RNASEH2B: variants seen among roughly 807,000 people sequenced by gnomAD.
RNASEH2B encodes Aicardi-Goutieres syndrome 2 protein.
Under a neutral mutation model 45.0 loss-of-function variants are expected in RNASEH2B, and 36 were observed. That is an observed-to-expected ratio of 0.80 (90% CI 0.61 to 1.06). The LOEUF (loss-of-function observed/expected upper bound fraction) is 1.06. Ranked by LOEUF, RNASEH2B falls within the 50% of genes least tolerant of loss-of-function variation. RNASEH2B has a pLI of 0.00. For missense variants in RNASEH2B, 361 were observed against 360.3 expected, an observed-to-expected ratio of 1.00 and a Z score of -0.02; for synonymous variants, 119 against 125.7, an observed-to-expected ratio of 0.95 and a Z score of 0.35.
intron 10 of RNASEH2B, chr13:50,956,031 C>T (rs1351373252): frequency 1.3e-5 from 3 of 238,896 alleles, no homozygotes; most frequent in South Asian, 1.2e-4. Context: ...CTGACAATTG[C>T]GGCCTGTGTC....
At chr13:50,969,897 C>T (rs749457177) in intron 9 of RNASEH2B, 7 of 1,548,406 alleles carry the variant, frequency 4.5e-6, no homozygotes, top group Non-Finnish European at 6.1e-6. Context: ...TTTCTCCTCA[C>T]CAGGACACAC....
chr13:50,942,647 A>G (rs1309413553), intron 5 of RNASEH2B: 1 of 152,314 alleles, frequency 6.6e-6, no homozygotes, highest in Non-Finnish European at 1.5e-5. Flanking sequence ...AACACAAAAT[A>G]TCTGAGACAG....
intron 6 of RNASEH2B, 68 bp from the exon 7 acceptor site, chr13:50,945,359 T>G (rs1166283579): frequency 1.9e-6 from 2 of 1,077,238 alleles, no homozygotes; most frequent in African/African-American, 3.1e-5. Context: ...GAAGGCCACC[T>G]ATGAATTCAT....
chr13:50,964,328 A>G (rs1003933859), intron 9 of RNASEH2B, among the ~76,000 whole-genome samples: 2 of 152,158 alleles, frequency 1.3e-5, no homozygotes, highest in Non-Finnish European at 2.9e-5. Context: ...TTAATATCCT[A>G]TTTCTTTTAC....
chr13:50,930,210 A>G (rs1951659161), intron 3 of RNASEH2B: 1 of 235,228 alleles, frequency 4.3e-6, no homozygotes, highest in African/African-American at 2.3e-5. Context: ...CCCACAGACC[A>G]CGGAAGGGAC....
chr13:50,910,540 C>G (rs1390920581), intron 1 of RNASEH2B: 1 of 170,732 alleles, frequency 5.9e-6, no homozygotes, highest in Non-Finnish European at 1.2e-5. Flanking sequence ...ATCCAGTAGG[C>G]TCGAAGTGGC....
chr13:50,943,449 A>C (rs989812532), intron 6 of RNASEH2B, 55 bp downstream of exon 6: 3 of 1,270,628 alleles, frequency 2.4e-6, no homozygotes, highest in Middle Eastern at 1.9e-4. Context: ...TTCTCTAAGA[A>C]ATTTTCAGAG....
At chr13:50,953,642 C>G in intron 9 of RNASEH2B, 1 of 508,978 alleles carries the variant, frequency 2.0e-6, no homozygotes, top group East Asian at 3.4e-5. Context: ...CCTGTGTTTG[C>G]TGGACCAGCT....
chr13:50,940,478 T>G (rs917938146), intron 5 of RNASEH2B, among the ~76,000 whole-genome samples: 1 of 152,266 alleles, frequency 6.6e-6, no homozygotes, highest in Admixed American at 6.5e-5. Flanking sequence ...ACACAGTATT[T>G]ATTTTTACTT....
intron 5 of RNASEH2B, chr13:50,941,841 T>G (rs1951836435): frequency 6.6e-6 from 1 of 152,218 alleles, no homozygotes; most frequent in Non-Finnish European, 1.5e-5. Context: ...CTCTTTTTTG[T>G]TACTGTAGTG....
chr13:50,930,877 T>G, intron 4 of RNASEH2B, 118 bp downstream of exon 4: 1 of 823,422 alleles, frequency 1.2e-6, no homozygotes, highest in African/African-American at 1.7e-5. Flanking sequence ...TCTATTATAG[T>G]GACTAGAGAA....
intron 1 of RNASEH2B, among the ~76,000 whole-genome samples, chr13:50,926,184 A>G (rs1951592689): frequency 6.6e-6 from 1 of 151,932 alleles, no homozygotes; most frequent in Admixed American, 6.6e-5. Flanking sequence ...ACTTAATGTC[A>G]CTATTAGTTT....
intron 9 of RNASEH2B, among the ~76,000 whole-genome samples, chr13:50,968,980 G>C (rs1008482277): frequency 2.0e-5 from 3 of 152,170 alleles, no homozygotes; most frequent in Non-Finnish European, 4.4e-5. Flanking sequence ...ATTAAAGTTA[G>C]ACATGTTGTT....
At chr13:50,969,112 A>G (rs554583215) in intron 9 of RNASEH2B, among the ~76,000 whole-genome samples, 1 of 152,332 alleles carries the variant, frequency 6.6e-6, no homozygotes, top group African/African-American at 2.4e-5. Flanking sequence ...GCGGATATCA[A>G]CATGGCAGGC....
intron 1 of RNASEH2B, among the ~76,000 whole-genome samples, chr13:50,922,961 A>G (rs1454030664): frequency 6.6e-6 from 1 of 152,254 alleles, no homozygotes; most frequent in African/African-American, 2.4e-5. Flanking sequence ...ATGAAGTTTC[A>G]CCAGATAGAG....
chr13:50,920,851 A>G (rs9535529), intron 1 of RNASEH2B, among the ~76,000 whole-genome samples: 31,390 of 152,168 alleles, frequency 0.21, 3,565 homozygotes, highest in African/African-American at 0.31. Flanking sequence ...CTCATGTGCC[A>G]GAAACACTAC....
At chr13:50,913,472 C>A in intron 1 of RNASEH2B, among the ~76,000 whole-genome samples, 1 of 151,260 alleles carries the variant, frequency 6.6e-6, no homozygotes. Flanking sequence ...ATTGGGAAAC[C>A]CTAACATTGT....
chr13:50,922,147 G>T (rs1951532032), intron 1 of RNASEH2B, among the ~76,000 whole-genome samples: 1 of 152,128 alleles, frequency 6.6e-6, no homozygotes, highest in East Asian at 1.9e-4. Context: ...CTATCTTCAG[G>T]GTATTTGTCA....
intron 10 of RNASEH2B, chr13:50,955,789 G>A (rs1952039351): frequency 6.5e-6 from 1 of 153,118 alleles, no homozygotes; most frequent in Non-Finnish European, 1.5e-5. Flanking sequence ...ACCAGAGAGA[G>A]ATAGAAATGT....
Sources: gnomAD v4.1 joint callset for allele counts (sites outside exome capture counted in the v4.1 genomes callset) on GRCh38, gnomAD v4.1.1 for gene constraint, MANE v1.5 for transcripts, NCBI Gene and HGNC (gene_info 2026-07-23, HGNC 2026-07-21) for gene names.